CHRM5: variants seen among roughly 807,000 people sequenced by gnomAD.
The protein encoded by CHRM5 is muscarinic acetylcholine receptor M5.
In CHRM5, 18 loss-of-function variants were observed where a neutral mutation model predicts 39.0. The ratio of observed to expected loss-of-function variants is 0.46; its 90% CI spans 0.32 to 0.68. The LOEUF is 0.68. Ranked by LOEUF, CHRM5 falls within the 30% of genes least tolerant of loss-of-function variation. The pLI, the probability that CHRM5 is intolerant of heterozygous loss-of-function variation, is 0.04. For missense variants in CHRM5, 515 were observed against 651.1 expected (o/e 0.79, Z 2.28); for synonymous variants, 241 against 246.3 (o/e 0.98, Z 0.20).
At chr15:34,041,372 G>A (rs1899470284) in intron 1 of CHRM5, among the ~76,000 whole-genome samples, 1 of 152,076 alleles carries the variant, frequency 6.6e-6, no homozygotes, top group Non-Finnish European at 1.5e-5. Flanking sequence ...CCTTAAATTT[G>A]CCAACATTGA....
At chr15:34,039,207 AGCGGGGCGGG>A (rs538246427) in intron 1 of CHRM5, 7 of 565,352 alleles carry the variant, frequency 1.2e-5, no homozygotes, top group African/African-American at 4.1e-5. Flanking sequence ...GCCGCAGCGG[AGCGGGGCGGG>A]GCGGGGCGGC....
chr15:33,979,051 T>C (rs1245583365), intron 1 of CHRM5, among the ~76,000 whole-genome samples: 1 of 152,192 alleles, frequency 6.6e-6, no homozygotes, highest in Admixed American at 6.5e-5. Flanking sequence ...AAGGTTGACA[T>C]ACTTGAGAAT....
chr15:34,003,226 C>G, intron 1 of CHRM5: 1 of 1,611,666 alleles, frequency 6.2e-7, no homozygotes, highest in Non-Finnish European at 8.5e-7. Context: ...TCATTAGAGA[C>G]AAATCAATAA....
chr15:34,026,444 G>A (rs748227874), intron 1 of CHRM5, among the ~76,000 whole-genome samples: 1 of 152,142 alleles, frequency 6.6e-6, no homozygotes, highest in Non-Finnish European at 1.5e-5. Context: ...TGATGACAAG[G>A]GGAGATATGT....
intron 1 of CHRM5, among the ~76,000 whole-genome samples, chr15:33,990,183 A>G (rs958541885): frequency 6.6e-6 from 1 of 151,316 alleles, no homozygotes; most frequent in African/African-American, 2.4e-5. Context: ...CAGACTGGGC[A>G]ACAGGGTGAG....
chr15:33,974,438 C>T (rs894447166), intron 1 of CHRM5, among the ~76,000 whole-genome samples: 11 of 152,098 alleles, frequency 7.2e-5, no homozygotes, highest in African/African-American at 1.9e-4. Flanking sequence ...TACAATATAC[C>T]AACAATGGTG....
At chr15:33,983,221 T>TAC (rs776576627) in intron 1 of CHRM5, among the ~76,000 whole-genome samples, 10 of 110,892 alleles carry the variant, frequency 9.0e-5, no homozygotes, top group East Asian at 6.0e-4. Flanking sequence ...TATACATATA[T>TAC]ATACACACAC....
In CHRM5 at chr15:34,064,296, G is replaced by A. The variant is rs1900452760; in HGVS notation, c.1579G>A (p.Gly527Arg). 2 of 1,613,384 alleles carry A rather than the reference G, an allele frequency of 1.2e-6. No homozygotes were observed. Among genetic ancestry groups the A allele is most frequent in the Middle Eastern group, 1.7e-4 (1 of 6,046 alleles). The change falls in exon 3 of 3, where the codon GGG becomes AGG. Residue 527 changes from glycine (G) to arginine (R), a missense_variant. Transcript: ENST00000383263. ...AGTGGAAGAGAAGTTGTACTGGCAG[G>A]GGAACAGCAAGCTACCCTGAAAAGT... is the stretch of plus-strand genomic sequence containing the variant. ...KKVEEKLYWQGNSKLP is the reference protein window; with the variant it reads ...KKVEEKLYWQRNSKLP
intron 1 of CHRM5, among the ~76,000 whole-genome samples, chr15:34,020,910 A>G (rs1420103057): frequency 6.6e-6 from 1 of 152,234 alleles, no homozygotes. Flanking sequence ...TCTTCCTTTT[A>G]AGCACCTACC....
At chr15:34,047,523 A>G (rs1473734340) in intron 2 of CHRM5, among the ~76,000 whole-genome samples, 2 of 152,226 alleles carry the variant, frequency 1.3e-5, no homozygotes, top group East Asian at 3.9e-4. Flanking sequence ...CTCACAAGAT[A>G]AGACCCACTG....
At chr15:34,018,036 T>A (rs944139678) in intron 1 of CHRM5, among the ~76,000 whole-genome samples, 1 of 152,220 alleles carries the variant, frequency 6.6e-6, no homozygotes, top group Admixed American at 6.5e-5. Context: ...ATACTGACAA[T>A]GATACTAAAT....
intron 1 of CHRM5, among the ~76,000 whole-genome samples, chr15:33,986,849 G>C (rs1896497357): frequency 6.6e-6 from 1 of 151,864 alleles, no homozygotes; most frequent in Admixed American, 6.6e-5. Context: ...AGTAGAGATG[G>C]GGTTTCACCA....
At chr15:34,062,138 G>A (rs931117831) in intron 2 of CHRM5, among the ~76,000 whole-genome samples, 8 of 152,094 alleles carry the variant, frequency 5.3e-5, no homozygotes, top group African/African-American at 1.9e-4. Context: ...CATAAGAAGG[G>A]CACTCAGCCA....
At chr15:34,050,069 G>T (rs682052) in intron 2 of CHRM5, among the ~76,000 whole-genome samples, 71,571 of 151,402 alleles carry the variant, frequency 0.47, 20,417 homozygotes, top group Non-Finnish European at 0.64. Flanking sequence ...TGTATTTTTA[G>T]TAGAGATGGG....
At chr15:34,053,319 A>AAAAAAAAAATATATAT (rs775436850) in intron 2 of CHRM5, among the ~76,000 whole-genome samples, 1 of 42,102 alleles carries the variant, frequency 2.4e-5, no homozygotes, top group African/African-American at 8.0e-5. Context: ...AAAAAAAAAA[A>AAAAAAAAAATATATAT]ATATATATAT....
At chr15:34,019,453 T>A (rs1191250888) in intron 1 of CHRM5, among the ~76,000 whole-genome samples, 1 of 152,098 alleles carries the variant, frequency 6.6e-6, no homozygotes, top group African/African-American at 2.4e-5. Flanking sequence ...AAAGCATAAG[T>A]TTAGTGTAGC....
intron 1 of CHRM5, among the ~76,000 whole-genome samples, chr15:34,014,944 A>T (rs919619276): frequency 6.6e-6 from 1 of 152,300 alleles, no homozygotes. Flanking sequence ...GGTCAGATAC[A>T]GGGGGTGAGG....
chr15:34,049,676 G>T (rs888659897), intron 2 of CHRM5, among the ~76,000 whole-genome samples: 10 of 152,042 alleles, frequency 6.6e-5, no homozygotes, highest in African/African-American at 2.4e-4. Context: ...TTGAAAAAAT[G>T]CAGAGAACCC....
At chr15:34,009,282 A>G (rs1351233167) in intron 1 of CHRM5, among the ~76,000 whole-genome samples, 2 of 152,206 alleles carry the variant, frequency 1.3e-5, no homozygotes, top group Admixed American at 1.3e-4. Context: ...AACTAAAAAC[A>G]AGTGGTCCTA....
Sources: allele counts gnomAD v4.1 joint callset (sites outside exome capture counted in the v4.1 genomes callset), GRCh38; gene constraint gnomAD v4.1.1; transcripts MANE v1.5; gene names NCBI Gene and HGNC (gene_info 2026-07-23, HGNC 2026-07-21).